MCC: variants seen among roughly 807,000 people sequenced by gnomAD.
MCC encodes MCC regulator of Wnt signaling pathway, also known as colorectal mutant cancer protein.
Under a neutral mutation model 116.2 loss-of-function variants are expected in MCC, and 90 were observed. That is an observed-to-expected ratio of 0.77 (90% CI 0.65 to 0.92). The LOEUF (loss-of-function observed/expected upper bound fraction) is 0.92. Ranked by LOEUF, MCC falls within the 40% of genes least tolerant of loss-of-function variation. The pLI is 0.00. For synonymous variants in MCC, 578 were observed against 510.5 expected, an observed-to-expected ratio of 1.13 and a Z score of -1.78; for missense variants, 1,516 against 1,312.2, an observed-to-expected ratio of 1.16 and a Z score of -2.40.
At chr5:113,344,122 G>A (rs1404140028) in intron 2 of MCC, among the ~76,000 whole-genome samples, 2 of 152,160 alleles carry the variant, frequency 1.3e-5, no homozygotes, top group Non-Finnish European at 2.9e-5. Flanking sequence ...GCTTATGGGA[G>A]AGGGAAAGCA....
rs564745079 is a variant in MCC at position 113,255,209 on chromosome 5, C to T, written c.627+85310G>A. 7.9e-5 allele frequency among the ~76,000 whole-genome samples: 12 copies of T among 152,206 alleles called. No individual in the cohort carries two copies. In the South Asian group the frequency reaches 2.1e-3, roughly 26 times the overall value. ...AAAATAAGAGCTATTATTCCCCCAC[C>T]CCTTTTGCAATCTGATCACAGTGAG... On this transcript the variant is annotated intron_variant, in intron 3 of 18. Coordinates refer to ENST00000408903, the MANE Select transcript of MCC (RefSeq NM_001085377.2).
intron 17 of MCC, 83 bp from the exon 18 acceptor site, chr5:113,029,139 A>G: frequency 7.0e-7 from 1 of 1,431,432 alleles, no homozygotes; most frequent in South Asian, 1.4e-5. Context: ...GGTGACAGAA[A>G]GAGGAAGGTT....
intron 3 of MCC, among the ~76,000 whole-genome samples, chr5:113,180,011 C>T (rs1761532276): frequency 1.3e-5 from 2 of 152,044 alleles, no homozygotes; most frequent in South Asian, 2.1e-4. Flanking sequence ...CTAAATATGC[C>T]CTAGAGATTT....
At position 113,466,120 on chromosome 5, in the gene MCC, G is replaced by A. The variant is rs143432206; in HGVS notation, c.170+22125C>T. 3.1e-3 allele frequency among the ~76,000 whole-genome samples: 473 copies of A among 151,932 alleles called. 3 individuals carry two copies. The highest frequency in any genetic ancestry group is 0.011 in the African/African-American group (441 of 41,436). ...ATAGCTAGAGTCAATCTGGCTGGAA[G>A]CAAAGAAAGAGGCTGAGATCTAGGA... is the stretch of plus-strand genomic sequence containing the variant. On this transcript the variant is annotated intron_variant, in intron 1 of 18. Transcript: ENST00000408903.
intron 16 of MCC, among the ~76,000 whole-genome samples, chr5:113,046,895 G>T (rs1171971223): frequency 6.6e-6 from 1 of 151,996 alleles, no homozygotes; most frequent in East Asian, 1.9e-4. Context: ...AGCCCAAACT[G>T]TATCACATCA....
intron 1 of MCC, among the ~76,000 whole-genome samples, chr5:113,391,787 A>T (rs1381739432): frequency 6.6e-6 from 1 of 151,700 alleles, no homozygotes; most frequent in Non-Finnish European, 1.5e-5. Flanking sequence ...GTTACGGAAG[A>T]AATGATCAGG....
intron 11 of MCC, among the ~76,000 whole-genome samples, chr5:113,077,525 T>G (rs1051181963): frequency 2.0e-5 from 3 of 152,142 alleles, no homozygotes; most frequent in Non-Finnish European, 2.9e-5. Context: ...CATAACTACA[T>G]GGAAACTGAA....
chr5:113,217,385 A>G (rs1639319396), intron 3 of MCC, among the ~76,000 whole-genome samples: 1 of 152,204 alleles, frequency 6.6e-6, no homozygotes, highest in Admixed American at 6.5e-5. Context: ...AAGAGTAGAC[A>G]TTTTGATAAT....
At chr5:113,098,465 G>A (rs1466000145) in intron 8 of MCC, among the ~76,000 whole-genome samples, 1 of 152,168 alleles carries the variant, frequency 6.6e-6, no homozygotes, top group Non-Finnish European at 1.5e-5. Context: ...GAAGAATAAA[G>A]TAATTCCTTT....
At chr5:113,127,738 G>A (rs537669218) in intron 5 of MCC, among the ~76,000 whole-genome samples, 1 of 152,200 alleles carries the variant, frequency 6.6e-6, no homozygotes, top group Admixed American at 6.5e-5. Flanking sequence ...ATAGATGCTG[G>A]AAAGACCTTT....
At chr5:113,253,924 G>C (rs1764904670) in intron 3 of MCC, among the ~76,000 whole-genome samples, 1 of 152,172 alleles carries the variant, frequency 6.6e-6, no homozygotes, top group African/African-American at 2.4e-5. Flanking sequence ...AAAACTGGGT[G>C]AGTGGAAGGA....
intron 1 of MCC, among the ~76,000 whole-genome samples, chr5:113,420,004 T>C (rs1360000082): frequency 2.0e-5 from 3 of 149,848 alleles, no homozygotes; most frequent in Non-Finnish European, 3.0e-5. Flanking sequence ...ACATGTACCC[T>C]AAAACTTAAA....
intron 3 of MCC, among the ~76,000 whole-genome samples, chr5:113,256,113 G>C (rs1321772596): frequency 1.3e-5 from 2 of 152,152 alleles, no homozygotes; most frequent in African/African-American, 4.8e-5. Context: ...CAAACAAATT[G>C]AATCCAAATG....
chr5:113,236,245 GC>G (rs1364965458), intron 3 of MCC, among the ~76,000 whole-genome samples: 2 of 152,188 alleles, frequency 1.3e-5, no homozygotes, highest in African/African-American at 4.8e-5. Context: ...AAACCAATAT[GC>G]CTGAGCCTAG....
chr5:113,442,524 T>A (rs1771071732), intron 1 of MCC, among the ~76,000 whole-genome samples: 1 of 152,258 alleles, frequency 6.6e-6, no homozygotes, highest in Admixed American at 6.5e-5. Context: ...TTGTCAATTT[T>A]GGCTTTTGTT....
At chr5:113,196,965 A>C (rs754126774) in intron 3 of MCC, among the ~76,000 whole-genome samples, 28 of 152,260 alleles carry the variant, frequency 1.8e-4, no homozygotes, top group Non-Finnish European at 3.7e-4. Context: ...GCCATCCTAC[A>C]TGTAACATTG....
At chr5:113,482,546 G>C (rs1183724126) in intron 1 of MCC, among the ~76,000 whole-genome samples, 2 of 152,144 alleles carry the variant, frequency 1.3e-5, no homozygotes, top group Non-Finnish European at 2.9e-5. Context: ...TATTGGCTAT[G>C]TGTATGTCTT....
chr5:113,028,108 C>A (rs1172338187), intron 18 of MCC, among the ~76,000 whole-genome samples: 1 of 152,206 alleles, frequency 6.6e-6, no homozygotes, highest in Non-Finnish European at 1.5e-5. Context: ...ATTACCCTTA[C>A]AGCTGCAGTT....
intron 3 of MCC, among the ~76,000 whole-genome samples, chr5:113,198,073 T>TGGTGC (rs932444684): frequency 1.7e-4 from 26 of 152,352 alleles, no homozygotes; most frequent in African/African-American, 5.1e-4. Flanking sequence ...ACAGGAAAGC[T>TGGTGC]GGTGCACTGC....
Sources: allele counts gnomAD v4.1 joint callset (sites outside exome capture counted in the v4.1 genomes callset), GRCh38; gene constraint gnomAD v4.1.1; transcripts MANE v1.5; gene names NCBI Gene and HGNC (gene_info 2026-07-23, HGNC 2026-07-21).